The following SNAI3 variants were observed in gnomAD, a reference collection of about 807,000 sequenced individuals.
SNAI3 encodes the protein snail family transcriptional repressor 3.
SNAI3 carries 21 observed loss-of-function variants against 16.4 expected under a neutral mutation model. That is an observed-to-expected ratio of 1.28 (90% CI 0.91 to 1.85). The LOEUF is 1.85. SNAI3 is among the 40% of genes most tolerant of loss of function. The pLI, the probability that SNAI3 is intolerant of heterozygous loss-of-function variation, is 0.00. For synonymous variants in SNAI3, 202 were observed against 166.6 expected (o/e 1.21, Z -1.64); for missense variants, 457 against 372.8 (o/e 1.23, Z -1.86).
chr16:88,684,248 G>C (rs1909279169), intron 1 of SNAI3, among the ~76,000 whole-genome samples: 1 of 152,184 alleles, frequency 6.6e-6, no homozygotes, highest in Non-Finnish European at 1.5e-5. Flanking sequence ...GCAGGAAAAA[G>C]TCACCATTTC....
chr16:88,684,094 TCA>T (rs1909274823), intron 1 of SNAI3, among the ~76,000 whole-genome samples: 1 of 152,168 alleles, frequency 6.6e-6, no homozygotes, highest in South Asian at 2.1e-4. Context: ...CCTCCCACCC[TCA>T]GTTTTCCTAA....
At position 88,681,822 on chromosome 16, in the gene SNAI3, C is replaced by T. The variant is rs117653672; in HGVS notation, c.77-108G>A. 4.2e-3 allele frequency: 5,096 copies of T among 1,225,444 alleles called. 170 individuals carry two copies. The East Asian group carries it at 0.086, about 21-fold the overall frequency. 75.9% of individuals were successfully genotyped at this position (1,225,444 alleles called of 1,614,324 possible). On this transcript the variant is annotated intron_variant, in intron 1 of 2. Coordinates refer to ENST00000332281, the MANE Select transcript of SNAI3 (RefSeq NM_178310.4). This position sits in a 1 kb window ranked among gnomAD's most constrained non-coding sequence, Gnocchi z 5.4. ...CAGTCACAGCCCATCAGCAGCCTGG[C>T]GTGGGAGGTGTAGCCGGGAACCTGC...
chr16:88,678,239 C>T lies in SNAI3; in HGVS notation c.*209G>A, dbSNP rs1338971329. 4 of 549,832 alleles carry T rather than the reference C, an allele frequency of 7.3e-6. No individual in the cohort carries two copies. Among genetic ancestry groups the T allele is most frequent in the Non-Finnish European group, 1.3e-5 (4 of 309,022 alleles). The allele number at this position is 549,832 out of a possible 1,614,324, so 34.1% of individuals were successfully genotyped here. On this transcript the variant is annotated 3_prime_UTR_variant, in exon 3 of 3. Coordinates refer to ENST00000332281, the MANE Select transcript of SNAI3 (RefSeq NM_178310.4). ...GGGAGAGGAGTCTCCTCTGAGTGGGCTCCGCGCGGTGGGATGCCTGGGGGA... is the reference window on the plus strand; with the variant it reads ...GGGAGAGGAGTCTCCTCTGAGTGGGTTCCGCGCGGTGGGATGCCTGGGGGA...
chr16:88,686,264 CCT>C (rs371150549), intron 1 of SNAI3, 65 bp downstream of exon 1: 2,098 of 1,315,592 alleles, frequency 1.6e-3, no homozygotes, highest in Admixed American at 2.9e-3. Context: ...CTCCCAGGGG[CCT>C]CTCTCTCTCT....
At chr16:88,678,787 C>T (rs1240698422) in intron 2 of SNAI3, 158 bp from the exon 3 acceptor site, 14 of 985,340 alleles carry the variant, frequency 1.4e-5, no homozygotes, top group Non-Finnish European at 1.7e-5. Flanking sequence ...TGGCACGCCA[C>T]ATCACCTGAA....
rs199697724 is a variant in SNAI3, at chr16:88,678,520, G to A, written c.807C>T (p.Arg269=). The change falls in exon 3 of 3, where the codon CGC becomes CGT. Residue 269 remains arginine, a synonymous_variant. Transcript: ENST00000332281. The stretch of plus-strand genomic sequence containing the variant: ...ACATGCGGGAGAAGGTCTTGGTGCA[G>A]CGCCGGCACCGGTACTTCTTGGCGT... ...HSDAKKYRCR[R]CTKTFSRMSL... 21 of 790,020 alleles carry A rather than the reference G, an allele frequency of 2.7e-5. No homozygotes were observed. The East Asian group carries it at 5.1e-4, about 19-fold the overall frequency. 48.9% of individuals were successfully genotyped at this position (790,020 alleles called of 1,614,324 possible).
chr16:88,678,518 C>T lies in SNAI3; in HGVS notation c.809G>A (p.Cys270Tyr). ...SDAKKYRCRR[C>Y]TKTFSRMSLL... The stretch of plus-strand genomic sequence containing the variant: ...GGACATGCGGGAGAAGGTCTTGGTG[C>T]AGCGCCGGCACCGGTACTTCTTGGC... The change falls in exon 3 of 3, where the codon TGC becomes TAC. Residue 270 changes from cysteine (C) to tyrosine (Y), a missense_variant. Coordinates refer to ENST00000332281, the MANE Select transcript of SNAI3 (RefSeq NM_178310.4). The T allele has an allele frequency of 1.3e-6, 1 of 788,624 alleles. No individual in the cohort carries two copies. 48.9% of individuals were successfully genotyped at this position (788,624 alleles called of 1,614,324 possible).
chr16:88,679,302 G>T (rs936296824), intron 2 of SNAI3, among the ~76,000 whole-genome samples: 1 of 152,244 alleles, frequency 6.6e-6, no homozygotes, highest in Non-Finnish European at 1.5e-5. Context: ...GGCACGGAAA[G>T]GGGGTGTGTG....
intron 1 of SNAI3, among the ~76,000 whole-genome samples, chr16:88,683,310 C>A (rs1459076413): frequency 5.3e-5 from 8 of 151,548 alleles, no homozygotes; most frequent in Non-Finnish European, 1.0e-4. Flanking sequence ...GGCTGGAGTG[C>A]GATGGCACGA....
chr16:88,680,263 A>G (rs920130366), intron 2 of SNAI3, among the ~76,000 whole-genome samples: 1 of 116,800 alleles, frequency 8.6e-6, no homozygotes, highest in Non-Finnish European at 1.8e-5. Flanking sequence ...CTTTAATGGC[A>G]TTATGTTTTT....
In SNAI3 at chr16:88,681,760, C is replaced by G; in HGVS notation, c.77-46G>C. On this transcript the variant is annotated intron_variant, in intron 1 of 2. Transcript: ENST00000332281. This position sits in a 1 kb window ranked among gnomAD's most constrained non-coding sequence, Gnocchi z 5.4. ...GAATAGAAAGATGAAGACTGAATCCCCAGCACTTTGTGTTTTCCAACTCTG... is the reference window on the plus strand; with the variant it reads ...GAATAGAAAGATGAAGACTGAATCCGCAGCACTTTGTGTTTTCCAACTCTG... 2.2e-6 allele frequency: 3 copies of G among 1,377,350 alleles called. No homozygotes were observed. The highest frequency in any genetic ancestry group is 2.8e-6 in the Non-Finnish European group (3 of 1,061,806). The allele number at this position is 1,377,350 out of a possible 1,614,324, so 85.3% of individuals were successfully genotyped here.
chr16:88,678,393 A>C lies in SNAI3; in HGVS notation c.*55T>G, dbSNP rs1470139238. 1.5e-6 allele frequency: 1 copy of C among 681,954 alleles called. No individual in the cohort carries two copies. Among genetic ancestry groups the C allele is most frequent in the African/African-American group, 1.7e-5 (1 of 57,512 alleles). 42.2% of individuals were successfully genotyped at this position (681,954 alleles called of 1,614,324 possible). On this transcript the variant is annotated 3_prime_UTR_variant, in exon 3 of 3. Coordinates refer to ENST00000332281, the MANE Select transcript of SNAI3 (RefSeq NM_178310.4). ...CCTGGCTCCTCTGGGGGCAGGAGGGACGCCAGCTCTCCCGGTGAGGACCAT... is the reference window on the plus strand; with the variant it reads ...CCTGGCTCCTCTGGGGGCAGGAGGGCCGCCAGCTCTCCCGGTGAGGACCAT...
At chr16:88,682,741 C>A (rs1451167596) in intron 1 of SNAI3, among the ~76,000 whole-genome samples, 1 of 128,578 alleles carries the variant, frequency 7.8e-6, no homozygotes, top group Non-Finnish European at 1.7e-5. Context: ...ACAAATAATA[C>A]AATTTTAATA....
At chr16:88,684,685 G>A (rs1231091689) in intron 1 of SNAI3, among the ~76,000 whole-genome samples, 1 of 152,148 alleles carries the variant, frequency 6.6e-6, no homozygotes, top group Non-Finnish European at 1.5e-5. Flanking sequence ...TAGTAGGGAC[G>A]GGGTTTCGCC....
At chr16:88,680,719 C>G (rs958941946) in intron 2 of SNAI3, among the ~76,000 whole-genome samples, 37 of 152,126 alleles carry the variant, frequency 2.4e-4, no homozygotes, top group African/African-American at 8.2e-4. Flanking sequence ...CTGCCTCAGC[C>G]TCCTAAGTAG....
intron 1 of SNAI3, among the ~76,000 whole-genome samples, chr16:88,684,118 T>C (rs1210466763): frequency 6.6e-6 from 1 of 152,220 alleles, no homozygotes; most frequent in Non-Finnish European, 1.5e-5. Flanking sequence ...TACAGAGTCA[T>C]CAGGTTTCTG....
Position 88,681,116 on chromosome 16 carries a change from C to G in SNAI3, c.675G>C (p.Gln225His), listed in dbSNP as rs1333071582. The change falls in exon 2 of 3, where the codon CAG (glutamine) becomes CAC (histidine). Residue 225 changes from glutamine (Q) to histidine (H), a missense_variant. Transcript: ENST00000332281. The surrounding 1 kb of genome is among the most constrained non-coding windows in gnomAD (Gnocchi z 5.4). Reference sequence around the variant, plus strand: ...TACCTGTGTGGGTGCGGACATGGCCCTGCAGTAACCAGGGCCTGGAGAAGG... The same window carrying G: ...TACCTGTGTGGGTGCGGACATGGCCGTGCAGTAACCAGGGCCTGGAGAAGG... ...GKAFSRPWLL[Q>H]GHVRTHTGEK... 6.2e-7 allele frequency: 1 copy of G among 1,613,152 alleles called. No individual in the cohort carries two copies. Among genetic ancestry groups the G allele is most frequent in the South Asian group, 1.1e-5 (1 of 91,056 alleles).
chr16:88,680,857 A>G (rs907222281), intron 2 of SNAI3, among the ~76,000 whole-genome samples: 5 of 152,164 alleles, frequency 3.3e-5, no homozygotes, highest in African/African-American at 9.6e-5. Context: ...CAATCTCCCA[A>G]AGTGCTGGGA....
intron 1 of SNAI3, among the ~76,000 whole-genome samples, chr16:88,683,583 G>T (rs569654403): frequency 9.1e-6 from 1 of 109,828 alleles, no homozygotes; most frequent in East Asian, 2.8e-4. Flanking sequence ...TTGAGCTGGA[G>T]TCTCACTCTT....
Sources: allele counts gnomAD v4.1 joint callset (sites outside exome capture counted in the v4.1 genomes callset), GRCh38; gene constraint gnomAD v4.1.1; non-coding constraint Gnocchi (gnomAD v3.1); transcripts MANE v1.5; gene names NCBI Gene and HGNC (gene_info 2026-07-23, HGNC 2026-07-21).